The following NOP58 variants were observed in gnomAD, a reference collection of about 807,000 sequenced individuals.
NOP58 encodes nucleolar protein 58.
NOP58 carries 44 observed loss-of-function variants against 71.2 expected under a neutral mutation model. The observed-to-expected ratio is 0.62, with a 90% CI of 0.49 to 0.79. The LOEUF (loss-of-function observed/expected upper bound fraction) is 0.79, where lower values mean the gene tolerates loss of function less well. Among genes scored for constraint, NOP58 ranks in the 30% least tolerant of loss-of-function variants. NOP58 has a pLI of 0.00. For synonymous variants in NOP58, 228 were observed against 200.3 expected (o/e 1.14, Z -1.17); for missense variants, 538 against 620.2 (o/e 0.87, Z 1.41).
chr2:202,274,615 G>T (rs1216768504), intron 1 of NOP58, among the ~76,000 whole-genome samples: 1 of 151,702 alleles, frequency 6.6e-6, no homozygotes, highest in East Asian at 1.9e-4. Flanking sequence ...AAAGGTTCTC[G>T]GCCAGGTGCA....
intron 12 of NOP58, among the ~76,000 whole-genome samples, chr2:202,298,458 C>T (rs992080492): frequency 2.6e-5 from 4 of 152,150 alleles, no homozygotes; most frequent in Admixed American, 1.3e-4. Flanking sequence ...CAACACAGGC[C>T]TGGCCAACAT....
At chr2:202,275,340 C>G (rs1173118561) in intron 2 of NOP58, 151 bp downstream of exon 2, 1 of 560,260 alleles carries the variant, frequency 1.8e-6, no homozygotes, top group South Asian at 2.3e-5. Flanking sequence ...CTAATTATTA[C>G]AAATGTTTTA....
At chr2:202,289,140 C>G (rs750141319) in intron 6 of NOP58, among the ~76,000 whole-genome samples, 1 of 151,674 alleles carries the variant, frequency 6.6e-6, no homozygotes, top group Non-Finnish European at 1.5e-5. Context: ...AAAAAAAAAG[C>G]GCTCAACCAG....
At chr2:202,278,607 C>A (rs919092996) in intron 3 of NOP58, among the ~76,000 whole-genome samples, 1 of 152,086 alleles carries the variant, frequency 6.6e-6, no homozygotes, top group South Asian at 2.1e-4. Context: ...TAATTGACTG[C>A]AGTAGGTCTT....
At chr2:202,292,736 C>G in intron 8 of NOP58, 41 bp from the exon 9 acceptor site, 1 of 1,536,620 alleles carries the variant, frequency 6.5e-7, no homozygotes, top group South Asian at 1.1e-5. Flanking sequence ...ACTGTTTTTA[C>G]TCATATGATA....
chr2:202,300,155 G>C, intron 12 of NOP58, 79 bp from the exon 13 acceptor site: 1 of 1,205,894 alleles, frequency 8.3e-7, no homozygotes, highest in Admixed American at 2.4e-5. Flanking sequence ...TTATCTAATG[G>C]CATTTTCTTT....
At chr2:202,280,681 T>C (rs577003146) in intron 3 of NOP58, among the ~76,000 whole-genome samples, 1 of 152,100 alleles carries the variant, frequency 6.6e-6, no homozygotes, top group African/African-American at 2.4e-5. Flanking sequence ...GGGTGTGATG[T>C]TGAATTTGTA....
At chr2:202,277,907 C>A in intron 2 of NOP58, 43 bp from the exon 3 acceptor site, 1 of 1,038,816 alleles carries the variant, frequency 9.6e-7, no homozygotes, top group Admixed American at 2.1e-5. Context: ...AATCAACGCA[C>A]TGCCCCCAAT....
At chr2:202,276,272 G>A (rs539199591) in intron 2 of NOP58, among the ~76,000 whole-genome samples, 4 of 151,734 alleles carry the variant, frequency 2.6e-5, no homozygotes, top group African/African-American at 7.3e-5. Context: ...CCTGGGAGGC[G>A]GAAGTTGCAG....
Position 202,297,834 on chromosome 2 carries a change from T to C in NOP58, c.1207-11T>C. ...TAGAAGTGTATTTGTAATTTTTCGT[T>C]TTCTTCTTAGATAAGAAAAATAAGT... On this transcript the variant is annotated splice_polypyrimidine_tract_variant and intron_variant, in intron 11 of 14. Coordinates refer to ENST00000264279, the MANE Select transcript of NOP58 (RefSeq NM_015934.5). 1 of 1,509,900 alleles carries C rather than the reference T, an allele frequency of 6.6e-7. No homozygotes were observed. Among genetic ancestry groups the C allele is most frequent in the Admixed American group, 2.0e-5 (1 of 50,510 alleles). The allele number at this position is 1,509,900 out of a possible 1,614,324, so 93.5% of individuals were successfully genotyped here.
chr2:202,279,791 C>T (rs56206276), intron 3 of NOP58, among the ~76,000 whole-genome samples: 2 of 152,156 alleles, frequency 1.3e-5, no homozygotes, highest in African/African-American at 4.8e-5. Context: ...GAGACTCCTT[C>T]TGGAAAATAA....
At chr2:202,300,710 C>T (rs6753044) in intron 13 of NOP58, among the ~76,000 whole-genome samples, 35,027 of 152,080 alleles carry the variant, frequency 0.23, 6,079 homozygotes, top group African/African-American at 0.49. Flanking sequence ...AGAATGAATA[C>T]AGAATTGATG....
In NOP58 at chr2:202,275,101, A is replaced by G; in HGVS notation, c.46-12A>G. The G allele has an allele frequency of 7.3e-7, 1 of 1,361,430 alleles. No individual in the cohort carries two copies. The highest frequency in any genetic ancestry group is 1.2e-5 in the South Asian group (1 of 80,860). 84.3% of individuals were successfully genotyped at this position (1,361,430 alleles called of 1,614,324 possible). A position where few individuals can be genotyped will look rare whatever the true frequency, so the allele number is the denominator to read the frequency against. On this transcript the variant is annotated splice_polypyrimidine_tract_variant and intron_variant, in intron 1 of 14. Transcript: ENST00000264279. ...ACCATTTAAATAAAACTATTTAAAC[A>G]TTTTATTACAGGTTCTAAATGAGAA...
intron 9 of NOP58, among the ~76,000 whole-genome samples, chr2:202,294,684 G>A (rs752960453): frequency 6.6e-6 from 1 of 152,142 alleles, no homozygotes; most frequent in Non-Finnish European, 1.5e-5. Context: ...TGCCAGCAGG[G>A]CCGGGTGTGG....
At chr2:202,275,395 C>G (rs1688575105) in intron 2 of NOP58, 1 of 469,164 alleles carries the variant, frequency 2.1e-6, no homozygotes, top group Admixed American at 3.9e-5. Context: ...CAGTAGTCTC[C>G]CCCTTACCCA....
Position 202,285,410 on chromosome 2 carries a change from G to A in NOP58, c.434+929G>A, listed in dbSNP as rs138598056. ...GTTGCTCAGGCTGGGGTGCAGTGGT[G>A]CGATCTTGGCTCACTGCAACCTGGA... On this transcript the variant is annotated intron_variant, in intron 5 of 14. Transcript: ENST00000264279. Among the ~76,000 whole-genome samples, 205 of 145,914 alleles carry A rather than the reference G, an allele frequency of 1.4e-3. 4 individuals carry two copies. In the East Asian group the frequency reaches 0.041, roughly 29 times the overall value.
At chr2:202,296,265 G>A (rs976928993) in intron 10 of NOP58, among the ~76,000 whole-genome samples, 19 of 151,878 alleles carry the variant, frequency 1.3e-4, no homozygotes, top group Non-Finnish European at 2.2e-4. Context: ...GCTTGATCTC[G>A]GCTCACTGCA....
chr2:202,273,104 G>A (rs914391808), intron 1 of NOP58, among the ~76,000 whole-genome samples: 7 of 151,816 alleles, frequency 4.6e-5, no homozygotes, highest in South Asian at 2.1e-4. Context: ...CAGCCTGGGC[G>A]ACAGAGCGAG....
At chr2:202,284,512 A>G (rs1023805365) in intron 5 of NOP58, 31 bp downstream of exon 5, 18 of 1,609,242 alleles carry the variant, frequency 1.1e-5, no homozygotes, top group Non-Finnish European at 1.5e-5. Flanking sequence ...AAGTCAACTT[A>G]CTTTTATTTG....
Sources: gnomAD v4.1 joint callset for allele counts (sites outside exome capture counted in the v4.1 genomes callset) on GRCh38, gnomAD v4.1.1 for gene constraint, MANE v1.5 for transcripts, NCBI Gene and HGNC (gene_info 2026-07-23, HGNC 2026-07-21) for gene names.